The following EPB41L3 variants were observed in gnomAD, a reference collection of about 807,000 sequenced individuals.
EPB41L3 encodes erythrocyte membrane protein band 4.1 like 3.
EPB41L3 carries 57 observed loss-of-function variants against 127.1 expected under a neutral mutation model. The ratio of observed to expected loss-of-function variants is 0.45; its 90% CI spans 0.36 to 0.56. The LOEUF is 0.56. Among genes scored for constraint, EPB41L3 ranks in the 20% least tolerant of loss-of-function variants. The probability of loss-of-function intolerance (pLI) is 0.00; values close to 1 mark genes in which losing one functional copy is unlikely to be tolerated. For synonymous variants in EPB41L3, 572 were observed against 549.5 expected (o/e 1.04, Z -0.57); for missense variants, 1,273 against 1,372.2 (o/e 0.93, Z 1.14).
chr18:5,562,775 C>T (rs2094150322), intron 3 of EPB41L3, among the ~76,000 whole-genome samples: 1 of 152,154 alleles, frequency 6.6e-6, no homozygotes, highest in Non-Finnish European at 1.5e-5. Context: ...ATGTCTCATC[C>T]CCCCACACTG....
chr18:5,477,503 C>G (rs2087475771), intron 3 of EPB41L3, among the ~76,000 whole-genome samples: 1 of 152,160 alleles, frequency 6.6e-6, no homozygotes, highest in Non-Finnish European at 1.5e-5. Flanking sequence ...AAAGTGCAAG[C>G]CATTCCATCT....
chr18:5,426,360 G>A (rs1372425865), intron 9 of EPB41L3, among the ~76,000 whole-genome samples: 1 of 152,186 alleles, frequency 6.6e-6, no homozygotes, highest in South Asian at 2.1e-4. Flanking sequence ...GAAAACCTTT[G>A]ATTATCCTGG....
chr18:5,479,282 A>G (rs1265344507), intron 2 of EPB41L3, among the ~76,000 whole-genome samples: 1 of 152,226 alleles, frequency 6.6e-6, no homozygotes, highest in African/African-American at 2.4e-5. Flanking sequence ...GGGCTGCGCC[A>G]CCACTGCCAC....
intron 1 of EPB41L3, among the ~76,000 whole-genome samples, chr18:5,505,145 G>A (rs779271625): frequency 1.3e-5 from 2 of 152,064 alleles, no homozygotes; most frequent in Non-Finnish European, 2.9e-5. Context: ...GGACAAGTGC[G>A]GGATTTTCTT....
chr18:5,444,509 C>G (rs1231268248), intron 4 of EPB41L3, among the ~76,000 whole-genome samples: 1 of 152,180 alleles, frequency 6.6e-6, no homozygotes, highest in Non-Finnish European at 1.5e-5. Flanking sequence ...AAACGATTTC[C>G]TTTTCTGTAT....
At chr18:5,443,316 A>C (rs2081046049) in intron 5 of EPB41L3, among the ~76,000 whole-genome samples, 1 of 152,242 alleles carries the variant, frequency 6.6e-6, no homozygotes, top group Non-Finnish European at 1.5e-5. Flanking sequence ...ATCATTAGTA[A>C]AATTTAGCAA....
At chr18:5,539,066 G>A (rs978576267) in intron 1 of EPB41L3, among the ~76,000 whole-genome samples, 2 of 131,600 alleles carry the variant, frequency 1.5e-5, no homozygotes, top group East Asian at 2.2e-4. Flanking sequence ...ATACAATTTC[G>A]TAAGTATTTA....
chr18:5,589,957 G>A (rs1241784020), intron 3 of EPB41L3, among the ~76,000 whole-genome samples: 2 of 152,064 alleles, frequency 1.3e-5, no homozygotes, highest in African/African-American at 2.4e-5. Flanking sequence ...TGTCCTTTTC[G>A]GGATAGAAAG....
chr18:5,400,214 A>T (rs1352016447), intron 16 of EPB41L3: 1 of 175,820 alleles, frequency 5.7e-6, no homozygotes, highest in East Asian at 1.7e-4. Flanking sequence ...TAGTTCCAAT[A>T]AGGCAAAAGA....
chr18:5,603,308 C>G (rs775981888), intron 3 of EPB41L3, among the ~76,000 whole-genome samples: 1 of 152,074 alleles, frequency 6.6e-6, no homozygotes, highest in Admixed American at 6.6e-5. Flanking sequence ...TGAGCTAAGG[C>G]CCGCCTCCAA....
At position 5,397,588 on chromosome 18, in the gene EPB41L3, A is replaced by G. The variant is rs377310618; in HGVS notation, c.2473-162T>C. Among the ~76,000 whole-genome samples the G allele has an allele frequency of 3.3e-5, 5 of 152,246 alleles. No homozygotes were observed. The East Asian group carries it at 5.8e-4, about 18-fold the overall frequency. On this transcript the variant is annotated intron_variant, in intron 17 of 22. Coordinates refer to ENST00000341928, the MANE Select transcript of EPB41L3 (RefSeq NM_012307.5). This position sits in a 1 kb window ranked among gnomAD's most constrained non-coding sequence, Gnocchi z 4.1. Reference sequence around the variant, plus strand: ...AATTAGCTTTCATTTCTCCCACTGAAATCTCTGATGCCTGCCCCTGCCCCT... The same window carrying G: ...AATTAGCTTTCATTTCTCCCACTGAGATCTCTGATGCCTGCCCCTGCCCCT...
chr18:5,610,270 T>C (rs2094710951), intron 3 of EPB41L3: 1 of 985,398 alleles, frequency 1.0e-6, no homozygotes, highest in South Asian at 4.7e-5. Flanking sequence ...ACTTTAGACA[T>C]TGTTCAACAA....
intron 13 of EPB41L3, among the ~76,000 whole-genome samples, chr18:5,412,080 C>T (rs557152543): frequency 1.3e-5 from 2 of 152,214 alleles, no homozygotes; most frequent in South Asian, 2.1e-4. Context: ...ATGGCTGTAC[C>T]GAGTGACAGC....
intron 3 of EPB41L3, among the ~76,000 whole-genome samples, chr18:5,587,323 T>C (rs1343294041): frequency 2.6e-5 from 4 of 152,086 alleles, no homozygotes; most frequent in South Asian, 2.1e-4. Flanking sequence ...AGTTGACCCA[T>C]GGTCAACTGT....
chr18:5,518,703 ATGACCTCCT>A (rs2092856153), intron 1 of EPB41L3: 2 of 152,300 alleles, frequency 1.3e-5, no homozygotes, highest in Admixed American at 6.5e-5. Flanking sequence ...GATGGCTAAA[ATGACCTCCT>A]TGTATTCAGC....
At chr18:5,393,685 C>CT (rs2072774253) in intron 22 of EPB41L3, 1 of 450,388 alleles carries the variant, frequency 2.2e-6, no homozygotes, top group Non-Finnish European at 3.9e-6. Flanking sequence ...TGGAAGAAAT[C>CT]TGTTTTATTT....
At chr18:5,421,011 GA>G (rs2077405104) in intron 11 of EPB41L3, among the ~76,000 whole-genome samples, 1 of 152,142 alleles carries the variant, frequency 6.6e-6, no homozygotes, top group Non-Finnish European at 1.5e-5. Context: ...CATTCTCTGT[GA>G]GATGCAACCT....
intron 3 of EPB41L3, among the ~76,000 whole-genome samples, chr18:5,600,962 A>C (rs2094584477): frequency 6.6e-6 from 1 of 152,206 alleles, no homozygotes; most frequent in Non-Finnish European, 1.5e-5. Context: ...AAGGGCACAT[A>C]GTACTCAGCT....
chr18:5,499,771 T>C (rs1598360231), intron 1 of EPB41L3, among the ~76,000 whole-genome samples: 1 of 147,058 alleles, frequency 6.8e-6, no homozygotes, highest in Non-Finnish European at 1.5e-5. Flanking sequence ...TGTCTCAAAA[T>C]AAAAAAAAAA....
Sources: allele counts gnomAD v4.1 joint callset (sites outside exome capture counted in the v4.1 genomes callset), GRCh38; gene constraint gnomAD v4.1.1; non-coding constraint Gnocchi (gnomAD v3.1); transcripts MANE v1.5; gene names NCBI Gene and HGNC (gene_info 2026-07-23, HGNC 2026-07-21).